Variants in IQCH observed in about 807,000 individuals in gnomAD.
The protein encoded by IQCH is IQ motif containing H.
IQCH carries 98 observed loss-of-function variants against 117.0 expected under a neutral mutation model. That is an observed-to-expected ratio of 0.84 (90% CI 0.71 to 0.99). IQCH has a LOEUF of 0.99. IQCH is among the 50% of genes least tolerant of loss of function. The pLI, the probability that IQCH is intolerant of heterozygous loss-of-function variation, is 0.00. For missense variants in IQCH, 1,102 were observed against 1,243.8 expected (o/e 0.89, Z 1.72); for synonymous variants, 412 against 448.2 (o/e 0.92, Z 1.02).
intron 4 of IQCH, among the ~76,000 whole-genome samples, chr15:67,318,898 G>C (rs1163573361): frequency 2.0e-5 from 3 of 152,104 alleles, no homozygotes; most frequent in Non-Finnish European, 2.9e-5. Context: ...CTCCGGATGG[G>C]TTAGGCTGAA....
Position 67,445,573 on chromosome 15 carries a change from G to A in IQCH, c.2506-19554G>A, listed in dbSNP as rs1355643147. Among the ~76,000 whole-genome samples, 1 of 152,104 alleles carries A rather than the reference G, an allele frequency of 6.6e-6. No individual in the cohort carries two copies. The highest frequency in any genetic ancestry group is 1.5e-5 in the Non-Finnish European group (1 of 68,024). Reference sequence around the variant, plus strand: ...TCTGCCTCAGCCTCCCAAGTAGCTGGGGTTGCAGGTGTGTGCCACCACACC... The same window carrying A: ...TCTGCCTCAGCCTCCCAAGTAGCTGAGGTTGCAGGTGTGTGCCACCACACC... On this transcript the variant is annotated intron_variant, in intron 16 of 20. Coordinates refer to ENST00000335894, the MANE Select transcript of IQCH (RefSeq NM_001031715.3). This position sits in a 1 kb window ranked among gnomAD's most constrained non-coding sequence, Gnocchi z 4.3.
chr15:67,328,160 G>GT (rs11357563), intron 4 of IQCH, among the ~76,000 whole-genome samples: 21 of 150,962 alleles, frequency 1.4e-4, no homozygotes, highest in African/African-American at 5.1e-4. Context: ...TTTGTTTTTA[G>GT]TTTTTTTTTT....
chr15:67,340,447 A>ACAAAC (rs1268065699), intron 5 of IQCH, among the ~76,000 whole-genome samples: 2 of 146,284 alleles, frequency 1.4e-5, no homozygotes, highest in Non-Finnish European at 3.0e-5. Flanking sequence ...AAAAAAAAAA[A>ACAAAC]AAAAAAAAAA....
rs2140658017 is a variant in IQCH, at chr15:67,337,048, A to G, written c.461A>G (p.Asp154Gly). Residue 154 changes from aspartate to glycine, a missense_variant, in exon 5 of 21, where the codon GAT (aspartate) becomes GGT (glycine). By Grantham distance (94) the Asp-to-Gly change is moderately conservative. Coordinates refer to ENST00000335894, the MANE Select transcript of IQCH (RefSeq NM_001031715.3). Reference protein sequence around the residue: ...LTVLPSSHCTDPYFTPIPVLQ... With the variant: ...LTVLPSSHCTGPYFTPIPVLQ... ...GTTCTGCCATCTTCTCATTGCACAG[A>G]TCCCTATTTCACTCCTATACCAGTC... The G allele has an allele frequency of 6.2e-7, 1 of 1,613,716 alleles. No individual in the cohort carries two copies. The highest frequency in any genetic ancestry group is 8.5e-7 in the Non-Finnish European group (1 of 1,179,728).
chr15:67,438,304 T>G (rs1381647062), intron 16 of IQCH, among the ~76,000 whole-genome samples: 2 of 152,096 alleles, frequency 1.3e-5, no homozygotes, highest in Non-Finnish European at 2.9e-5. Context: ...AAACTAAGCA[T>G]CATATATGAA....
chr15:67,284,757 C>A (rs936347501), intron 4 of IQCH, among the ~76,000 whole-genome samples: 2 of 152,156 alleles, frequency 1.3e-5, no homozygotes, highest in South Asian at 2.1e-4. Flanking sequence ...TGGCCTCCAG[C>A]TCCATTCATG....
rs1277569560 is a variant in IQCH at position 67,453,692 on chromosome 15, A to G, written c.2506-11435A>G. Among the ~76,000 whole-genome samples, 2 of 152,216 alleles carry G rather than the reference A, an allele frequency of 1.3e-5. No homozygotes were observed. The highest frequency in any genetic ancestry group is 2.9e-5 in the Non-Finnish European group (2 of 68,034). On this transcript the variant is annotated intron_variant, in intron 16 of 20. Coordinates refer to ENST00000335894, the MANE Select transcript of IQCH (RefSeq NM_001031715.3). The surrounding 1 kb of genome is among the most constrained non-coding windows in gnomAD (Gnocchi z 5.8). ...GGGTCAGGGACCCACTTGAGGAGGC[A>G]GTCTGCCCGTTCTCAGATCTCAAGC...
chr15:67,332,829 G>C (rs1434393172), intron 4 of IQCH, among the ~76,000 whole-genome samples: 3 of 152,156 alleles, frequency 2.0e-5, no homozygotes, highest in African/African-American at 7.2e-5. Flanking sequence ...CTCTAGAGCA[G>C]GGGTACACAA....
intron 14 of IQCH, among the ~76,000 whole-genome samples, chr15:67,415,388 T>G (rs1457156045): frequency 6.6e-6 from 1 of 152,174 alleles, no homozygotes; most frequent in Non-Finnish European, 1.5e-5. Context: ...CTGAGCTGAG[T>G]GTGAGCCAGG....
intron 4 of IQCH, among the ~76,000 whole-genome samples, chr15:67,300,114 G>C (rs1966951806): frequency 6.6e-6 from 1 of 152,068 alleles, no homozygotes; most frequent in Non-Finnish European, 1.5e-5. Flanking sequence ...CTGAAAACCA[G>C]TTTTAATTAC....
At chr15:67,301,495 C>T (rs1481490819) in intron 4 of IQCH, among the ~76,000 whole-genome samples, 1 of 147,416 alleles carries the variant, frequency 6.8e-6, no homozygotes, top group Non-Finnish European at 1.5e-5. Context: ...CTGCAACCTC[C>T]ACCTCCTGGG....
intron 3 of IQCH, among the ~76,000 whole-genome samples, chr15:67,275,827 C>A (rs1224619623): frequency 6.6e-6 from 1 of 152,126 alleles, no homozygotes; most frequent in African/African-American, 2.4e-5. Flanking sequence ...CTGCAGTGAG[C>A]CGTGATTGTG....
In IQCH at chr15:67,393,994, G is replaced by T. The variant is rs1971373512; in HGVS notation, c.1633-1297G>T. Among the ~76,000 whole-genome samples the T allele has an allele frequency of 6.6e-6, 1 of 152,026 alleles. No individual in the cohort carries two copies. The stretch of plus-strand genomic sequence containing the variant: ...CTAACAGGTGAAGAAATAGGCTCAG[G>T]GGGTCTAAGTTACTTGCCTACATTA... On this transcript the variant is annotated intron_variant, in intron 12 of 20. Coordinates refer to ENST00000335894, the MANE Select transcript of IQCH (RefSeq NM_001031715.3). This position sits in a 1 kb window ranked among gnomAD's most constrained non-coding sequence, Gnocchi z 5.5.
At chr15:67,480,020 G>GA (rs1385572628) in intron 18 of IQCH, among the ~76,000 whole-genome samples, 1 of 152,206 alleles carries the variant, frequency 6.6e-6, no homozygotes, top group African/African-American at 2.4e-5. Context: ...ACTTCCTAAT[G>GA]AAATGAAGTT....
chr15:67,494,465 T>TA lies in IQCH; in HGVS notation c.2970+100dup. Reference sequence around the variant, plus strand: ...AACAAGTGCTAAACCATCTTTTTTTTATTGTAAGCAGTACATATTTTACAG... The same window carrying TA: ...AACAAGTGCTAAACCATCTTTTTTTTAATTGTAAGCAGTACATATTTTACAG... On this transcript the variant is annotated intron_variant, in intron 20 of 20. Transcript: ENST00000335894. The surrounding 1 kb of genome is among the most constrained non-coding windows in gnomAD (Gnocchi z 5.5). 1 of 745,240 alleles carries TA rather than the reference T, an allele frequency of 1.3e-6. No individual in the cohort carries two copies. Among genetic ancestry groups the TA allele is most frequent in the Non-Finnish European group, 2.2e-6 (1 of 454,482 alleles). The allele number at this position is 745,240 out of a possible 1,614,324, so 46.2% of individuals were successfully genotyped here.
Position 67,342,363 on chromosome 15 carries a change from C to T in IQCH, c.509-1700C>T, listed in dbSNP as rs1169011581. On this transcript the variant is annotated intron_variant, in intron 5 of 20. Coordinates refer to ENST00000335894, the MANE Select transcript of IQCH (RefSeq NM_001031715.3). This position sits in a 1 kb window ranked among gnomAD's most constrained non-coding sequence, Gnocchi z 4.7. Reference sequence around the variant, plus strand: ...TCCAGCATTTCAATGAAAAGATACTCAGTAATCTCTTCTGCTTGTTCGAAA... The same window carrying T: ...TCCAGCATTTCAATGAAAAGATACTTAGTAATCTCTTCTGCTTGTTCGAAA... Among the ~76,000 whole-genome samples the T allele has an allele frequency of 6.6e-6, 1 of 152,080 alleles. No homozygotes were observed. Among genetic ancestry groups the T allele is most frequent in the African/African-American group, 2.4e-5 (1 of 41,408 alleles).
Position 67,479,626 on chromosome 15 carries a change from T to C in IQCH, c.2799+3808T>C, listed in dbSNP as rs16950933. 0.14 allele frequency among the ~76,000 whole-genome samples: 21,058 copies of C among 152,220 alleles called. 1,677 individuals are homozygous for C. The highest frequency in any genetic ancestry group is 0.21 in the East Asian group (1,066 of 5,184). On this transcript the variant is annotated intron_variant, in intron 18 of 20. Coordinates refer to ENST00000335894, the MANE Select transcript of IQCH (RefSeq NM_001031715.3). The surrounding 1 kb of genome is among the most constrained non-coding windows in gnomAD (Gnocchi z 4.6). Reference sequence around the variant, plus strand: ...AGTTTAACAATTAATTTCCCTAAAATTTTATTGCCTGTTTGGGTTATGCTG... The same window carrying C: ...AGTTTAACAATTAATTTCCCTAAAACTTTATTGCCTGTTTGGGTTATGCTG...
intron 6 of IQCH, among the ~76,000 whole-genome samples, chr15:67,347,201 T>TAGA (rs1385276528): frequency 8.4e-6 from 1 of 118,706 alleles, no homozygotes; most frequent in Non-Finnish European, 1.8e-5. Flanking sequence ...AAATGGAAAA[T>TAGA]AGAAAAAAAA....
intron 18 of IQCH, among the ~76,000 whole-genome samples, chr15:67,477,994 G>A (rs2083246351): frequency 6.6e-6 from 1 of 152,208 alleles, no homozygotes; most frequent in Non-Finnish European, 1.5e-5. Flanking sequence ...AGATTTTATA[G>A]GGGAAACAGA....
Sources: gnomAD v4.1 joint callset for allele counts (sites outside exome capture counted in the v4.1 genomes callset) on GRCh38, gnomAD v4.1.1 for gene constraint, Gnocchi (gnomAD v3.1) non-coding constraint, MANE v1.5 for transcripts, NCBI Gene and HGNC (gene_info 2026-07-23, HGNC 2026-07-21) for gene names.